Variants in COL5A1 observed in about 807,000 individuals in gnomAD.
COL5A1 encodes collagen alpha-1(V) chain.
COL5A1 carries 16 observed loss-of-function variants against 263.7 expected under a neutral mutation model. The ratio of observed to expected loss-of-function variants is 0.06; its 90% CI spans 0.04 to 0.09. The LOEUF (loss-of-function observed/expected upper bound fraction) is 0.09, where lower values mean the gene tolerates loss of function less well. COL5A1 is among the 10% of genes least tolerant of loss of function. COL5A1 has a pLI of 1.00. For missense variants in COL5A1, 2,036 were observed against 2,540.5 expected, an observed-to-expected ratio of 0.80 and a Z score of 4.27; for synonymous variants, 1,012 against 1,004.5, an observed-to-expected ratio of 1.01 and a Z score of -0.14.
chr9:134,721,767 G>A (rs1834471338), intron 4 of COL5A1, among the ~76,000 whole-genome samples: 2 of 152,226 alleles, frequency 1.3e-5, no homozygotes, highest in Admixed American at 6.5e-5. Flanking sequence ...TGGGCTTCAG[G>A]GGAGGCATCC....
At chr9:134,645,516 G>A (rs1831447764) in intron 1 of COL5A1, among the ~76,000 whole-genome samples, 1 of 152,236 alleles carries the variant, frequency 6.6e-6, no homozygotes, top group African/African-American at 2.4e-5. Context: ...TGCAGGACCT[G>A]TCCCTGCTCG....
At chr9:134,644,098 G>A (rs1225145577) in intron 1 of COL5A1, among the ~76,000 whole-genome samples, 3 of 152,008 alleles carry the variant, frequency 2.0e-5, no homozygotes, top group African/African-American at 7.3e-5. Context: ...TTTTCTTAGT[G>A]AGTTTTGCCA....
At chr9:134,762,081 C>A in intron 19 of COL5A1, 103 bp downstream of exon 19, 2 of 1,243,530 alleles carry the variant, frequency 1.6e-6, no homozygotes, top group South Asian at 1.2e-5. Context: ...GATTGGCCTG[C>A]CGCATGTGGA....
intron 64 of COL5A1, chr9:134,832,992 C>G (rs527477232): frequency 2.0e-5 from 3 of 152,258 alleles, no homozygotes; most frequent in Admixed American, 1.3e-4. Context: ...GGGGCTCTTT[C>G]GGAGCAGGCC....
chr9:134,756,638 G>T (rs557894950), intron 16 of COL5A1, 127 bp from the exon 17 acceptor site: 3 of 1,039,622 alleles, frequency 2.9e-6, no homozygotes, highest in African/African-American at 1.6e-5. Flanking sequence ...GGCCACTCGG[G>T]CTGTGACCTT....
At chr9:134,658,203 G>A (rs1015907679) in intron 1 of COL5A1, among the ~76,000 whole-genome samples, 4 of 152,068 alleles carry the variant, frequency 2.6e-5, no homozygotes, top group Admixed American at 1.3e-4. Flanking sequence ...CCCTACAACC[G>A]TGGTGGTGGG....
At chr9:134,790,331 C>A (rs539213362) in intron 32 of COL5A1, among the ~76,000 whole-genome samples, 15 of 151,360 alleles carry the variant, frequency 9.9e-5, no homozygotes, top group Middle Eastern at 3.4e-3. Flanking sequence ...CCCATCCATC[C>A]ATCCATCCAC....
At chr9:134,829,392 C>T (rs1839483912) in intron 63 of COL5A1, among the ~76,000 whole-genome samples, 2 of 136,338 alleles carry the variant, frequency 1.5e-5, no homozygotes, top group South Asian at 2.4e-4. Flanking sequence ...CCCGAGGGCC[C>T]AGGTCAGGCT....
chr9:134,745,454 G>A (rs1000608913), intron 11 of COL5A1, among the ~76,000 whole-genome samples: 6 of 152,144 alleles, frequency 3.9e-5, no homozygotes, highest in African/African-American at 1.2e-4. Flanking sequence ...TCTCACGTGG[G>A]CCCCTTAAGG....
chr9:134,837,540 C>T (rs1839888490), intron 65 of COL5A1, among the ~76,000 whole-genome samples: 1 of 152,010 alleles, frequency 6.6e-6, no homozygotes, highest in Non-Finnish European at 1.5e-5. Context: ...AAGCCCACTT[C>T]TGCGAGGTCC....
intron 25 of COL5A1, among the ~76,000 whole-genome samples, chr9:134,769,306 C>T (rs139817885): frequency 1.9e-4 from 29 of 152,306 alleles, no homozygotes; most frequent in African/African-American, 6.7e-4. Flanking sequence ...CACAAACTGC[C>T]CTTTCTTGGT....
At chr9:134,685,083 C>CAT (rs1832978159) in intron 1 of COL5A1, among the ~76,000 whole-genome samples, 1 of 26,816 alleles carries the variant, frequency 3.7e-5, no homozygotes, top group Non-Finnish European at 7.4e-5. Context: ...CATCCATCCA[C>CAT]CCACCATCCA....
intron 26 of COL5A1, 105 bp from the exon 27 acceptor site, chr9:134,774,754 C>T (rs538997183): frequency 1.6e-6 from 2 of 1,212,972 alleles, no homozygotes; most frequent in Middle Eastern, 2.3e-4. Flanking sequence ...GGATGTTCGC[C>T]CTGCTCTCAG....
At chr9:134,720,048 C>G (rs1012002739) in intron 4 of COL5A1, among the ~76,000 whole-genome samples, 2 of 152,104 alleles carry the variant, frequency 1.3e-5, no homozygotes, top group African/African-American at 4.8e-5. Flanking sequence ...CAAAGTCCAC[C>G]CGTCTGAGAG....
rs901915110 is a variant in COL5A1 at position 134,841,715 on chromosome 9, G to A, written c.5371-442G>A. On this transcript the variant is annotated intron_variant, in intron 65 of 65. Transcript: ENST00000371817. The surrounding 1 kb of genome is among the most constrained non-coding windows in gnomAD (Gnocchi z 4.8). ...TGCCGCCTCGGACTCCTTCCTTTTC[G>A]AACCTGGAGCCCCCGTTTGATTTTC... is the stretch of plus-strand genomic sequence containing the variant. 2.6e-5 allele frequency among the ~76,000 whole-genome samples: 4 copies of A among 152,126 alleles called. No individual in the cohort carries two copies. Among genetic ancestry groups the A allele is most frequent in the Admixed American group, 1.3e-4 (2 of 15,266 alleles).
In COL5A1 at chr9:134,737,065, A is replaced by G. The variant is rs547373172; in HGVS notation, c.1390-1409A>G. ...GCTGGCGCTGTATGCTGGTGACGCT[A>G]CAGTCCTGGGGTCTCAATGGTGCCT... On this transcript the variant is annotated intron_variant, in intron 9 of 65. Coordinates refer to ENST00000371817, the MANE Select transcript of COL5A1 (RefSeq NM_000093.5). 1.3e-4 allele frequency among the ~76,000 whole-genome samples: 20 copies of G among 152,302 alleles called. No individual in the cohort carries two copies. The South Asian group carries it at 3.9e-3, about 30-fold the overall frequency.
At chr9:134,751,017 G>A in intron 13 of COL5A1, 135 bp downstream of exon 13, 1 of 790,246 alleles carries the variant, frequency 1.3e-6, no homozygotes. Flanking sequence ...CCTGCTTGCT[G>A]GGGTCAGGAG....
chr9:134,765,582 G>T lies in COL5A1; in HGVS notation c.2035-99G>T. 9.4e-7 allele frequency: 1 copy of T among 1,066,056 alleles called. No homozygotes were observed. Among genetic ancestry groups the T allele is most frequent in the South Asian group, 1.3e-5 (1 of 76,934 alleles). The allele number at this position is 1,066,056 out of a possible 1,614,324, so 66.0% of individuals were successfully genotyped here. On this transcript the variant is annotated intron_variant, in intron 20 of 65. Coordinates refer to ENST00000371817, the MANE Select transcript of COL5A1 (RefSeq NM_000093.5). This position sits in a 1 kb window ranked among gnomAD's most constrained non-coding sequence, Gnocchi z 5.1. ...CCAGGAGGCCTGAGTCACCAGCTGGGGTTCTGGGTGGAGTCAGGGCCAAGT... is the reference window on the plus strand; with the variant it reads ...CCAGGAGGCCTGAGTCACCAGCTGGTGTTCTGGGTGGAGTCAGGGCCAAGT...
chr9:134,650,193 T>A lies in COL5A1; in HGVS notation c.109+7897T>A, dbSNP rs188558193. On this transcript the variant is annotated intron_variant, in intron 1 of 65. Coordinates refer to ENST00000371817, the MANE Select transcript of COL5A1 (RefSeq NM_000093.5). ...AGAACTTAAAGTATAATAAAAAAAA[T>A]TTTTTTAAATGTGTGTATGTAGCAG... is the stretch of plus-strand genomic sequence containing the variant. Among the ~76,000 whole-genome samples the A allele has an allele frequency of 7.8e-3, 1,172 of 151,114 alleles. 49 individuals carry two copies. Among genetic ancestry groups the A allele is most frequent in the Admixed American group, 0.069 (1,052 of 15,242 alleles).
Sources: allele counts gnomAD v4.1 joint callset (sites outside exome capture counted in the v4.1 genomes callset), GRCh38; gene constraint gnomAD v4.1.1; non-coding constraint Gnocchi (gnomAD v3.1); transcripts MANE v1.5; gene names NCBI Gene and HGNC (gene_info 2026-07-23, HGNC 2026-07-21).